The following NRG3 variants were observed in gnomAD, a reference collection of about 807,000 sequenced individuals.
The protein encoded by NRG3 is pro-neuregulin-3, membrane-bound isoform.
Under a neutral mutation model 66.9 loss-of-function variants are expected in NRG3, and 31 were observed. The observed-to-expected ratio is 0.46, with a 90% confidence interval of 0.35 to 0.63. The LOEUF is 0.63. Ranked by LOEUF, NRG3 falls within the 20% of genes least tolerant of loss-of-function variation. The pLI, the probability that NRG3 is intolerant of heterozygous loss-of-function variation, is 0.00. For missense variants in NRG3, 910 were observed against 878.9 expected (o/e 1.04, Z -0.45); for synonymous variants, 393 against 359.4 (o/e 1.09, Z -1.06).
At chr10:82,078,385 C>G (rs2065208216) in intron 1 of NRG3, among the ~76,000 whole-genome samples, 1 of 152,184 alleles carries the variant, frequency 6.6e-6, no homozygotes, top group Non-Finnish European at 1.5e-5. Context: ...GAATCTTGCT[C>G]TGTCACCCAG....
rs1458404019 is a variant in NRG3 at position 82,275,833 on chromosome 10, GC to G, written c.824-82905del. ...TATAAAATGTGCAGAATGTAACTGT[GC>G]TTTTACTTTAAGTTTAGGAGGAAAA... On this transcript the variant is annotated intron_variant, in intron 1 of 8. Coordinates refer to ENST00000372141, the MANE Select transcript of NRG3 (RefSeq NM_001010848.4). 2.0e-5 allele frequency among the ~76,000 whole-genome samples: 3 copies of G among 152,068 alleles called. No homozygotes were observed. The East Asian group carries it at 5.8e-4, about 29-fold the overall frequency.
At chr10:82,550,894 T>C (rs189296562) in intron 2 of NRG3, among the ~76,000 whole-genome samples, 1 of 152,230 alleles carries the variant, frequency 6.6e-6, no homozygotes, top group African/African-American at 2.4e-5. Flanking sequence ...AGAAGAAATG[T>C]ACCTCCATAC....
chr10:82,817,494 C>CT (rs1031241507), intron 3 of NRG3, among the ~76,000 whole-genome samples: 7 of 152,070 alleles, frequency 4.6e-5, no homozygotes, highest in African/African-American at 7.2e-5. Context: ...GGTTCTTTTT[C>CT]TTTTTTTGCA....
chr10:82,035,768 G>T (rs1331682622), intron 1 of NRG3, among the ~76,000 whole-genome samples: 1 of 152,048 alleles, frequency 6.6e-6, no homozygotes, highest in Admixed American at 6.6e-5. Context: ...CTCTGCTTAA[G>T]AATAATTTGT....
chr10:82,416,570 G>T (rs965094603), intron 2 of NRG3, among the ~76,000 whole-genome samples: 11 of 152,118 alleles, frequency 7.2e-5, no homozygotes, highest in Non-Finnish European at 4.4e-5. Flanking sequence ...TGAAACAACT[G>T]CCCTTTGCCT....
intron 1 of NRG3, among the ~76,000 whole-genome samples, chr10:82,011,912 A>G (rs2061593706): frequency 6.6e-6 from 1 of 151,944 alleles, no homozygotes; most frequent in African/African-American, 2.4e-5. Context: ...TCTTTTCCAG[A>G]TGCACAGTGC....
At chr10:82,099,984 AAT>A (rs3036603) in intron 1 of NRG3, among the ~76,000 whole-genome samples, 6 of 146,026 alleles carry the variant, frequency 4.1e-5, no homozygotes, top group East Asian at 2.0e-4. Flanking sequence ...CCCTGTCTCT[AAT>A]ATATATATAT....
intron 1 of NRG3, among the ~76,000 whole-genome samples, chr10:82,096,007 A>G (rs889564356): frequency 3.3e-5 from 5 of 152,184 alleles, no homozygotes; most frequent in Non-Finnish European, 5.9e-5. Flanking sequence ...GCATAATGTC[A>G]TGAAAGTGAA....
At chr10:82,557,170 A>G (rs1004904731) in intron 2 of NRG3, among the ~76,000 whole-genome samples, 1 of 152,178 alleles carries the variant, frequency 6.6e-6, no homozygotes, top group Admixed American at 6.6e-5. Flanking sequence ...TGGGATTACT[A>G]GTTCGAATGG....
intron 4 of NRG3, among the ~76,000 whole-genome samples, chr10:82,936,709 C>A (rs1848103875): frequency 6.6e-6 from 1 of 151,844 alleles, no homozygotes; most frequent in South Asian, 2.1e-4. Flanking sequence ...ACATTGTACA[C>A]AATAAACACA....
chr10:82,765,675 C>T (rs755962695), intron 3 of NRG3, among the ~76,000 whole-genome samples: 17 of 152,244 alleles, frequency 1.1e-4, no homozygotes, highest in South Asian at 2.1e-4. Context: ...TTTCCTCATG[C>T]AAGTTCCCTT....
intron 1 of NRG3, among the ~76,000 whole-genome samples, chr10:82,075,986 G>A (rs997696806): frequency 6.6e-6 from 1 of 151,782 alleles, no homozygotes; most frequent in African/African-American, 2.4e-5. Context: ...AAGAAGACTA[G>A]GAAATGAGTA....
chr10:82,225,041 G>A (rs1376486048), intron 1 of NRG3, among the ~76,000 whole-genome samples: 1 of 151,860 alleles, frequency 6.6e-6, no homozygotes, highest in Non-Finnish European at 1.5e-5. Context: ...ACAATATTCA[G>A]TATACTTTTA....
At chr10:82,732,394 A>G (rs1320755877) in intron 2 of NRG3, among the ~76,000 whole-genome samples, 1 of 152,182 alleles carries the variant, frequency 6.6e-6, no homozygotes, top group Non-Finnish European at 1.5e-5. Flanking sequence ...TTAAATCCTA[A>G]TCCTGGGAAA....
At chr10:82,300,405 T>C (rs1181818715) in intron 1 of NRG3, among the ~76,000 whole-genome samples, 1 of 152,182 alleles carries the variant, frequency 6.6e-6, no homozygotes, top group Non-Finnish European at 1.5e-5. Context: ...TTTTAAAAAT[T>C]GCAATGTAAA....
At chr10:82,563,840 TTCTA>T (rs2045216051) in intron 2 of NRG3, among the ~76,000 whole-genome samples, 1 of 152,066 alleles carries the variant, frequency 6.6e-6, no homozygotes, top group Non-Finnish European at 1.5e-5. Context: ...AACTAAAATT[TTCTA>T]TCTTTTTGAT....
chr10:82,108,298 T>C (rs1590143520), intron 1 of NRG3, among the ~76,000 whole-genome samples: 1 of 152,306 alleles, frequency 6.6e-6, no homozygotes, highest in East Asian at 1.9e-4. Flanking sequence ...TATTTGCTAA[T>C]ATGTAAACAA....
At chr10:82,242,282 T>C (rs1015990844) in intron 1 of NRG3, among the ~76,000 whole-genome samples, 6 of 152,182 alleles carry the variant, frequency 3.9e-5, no homozygotes, top group African/African-American at 1.2e-4. Context: ...TTCTAAATTA[T>C]TTAAGGTGAA....
chr10:82,575,719 AAT>A (rs1299381193), intron 2 of NRG3, among the ~76,000 whole-genome samples: 1 of 151,830 alleles, frequency 6.6e-6, no homozygotes, highest in East Asian at 2.0e-4. Flanking sequence ...TCAAAGGGAC[AAT>A]ATAGATTAAT....
Sources: gnomAD v4.1 joint callset for allele counts (sites outside exome capture counted in the v4.1 genomes callset) on GRCh38, gnomAD v4.1.1 for gene constraint, MANE v1.5 for transcripts, NCBI Gene and HGNC (gene_info 2026-07-23, HGNC 2026-07-21) for gene names.